ZNF251: variants seen among roughly 807,000 people sequenced by gnomAD.
The protein encoded by ZNF251 is zinc finger protein 251.
In ZNF251, 14 loss-of-function variants were observed where a neutral mutation model predicts 13.5. The ratio of observed to expected loss-of-function variants is 1.04; its 90% CI spans 0.69 to 1.63. The LOEUF is 1.63. Ranked by LOEUF, ZNF251 falls within the 40% of genes most tolerant of loss-of-function variation. The pLI is 0.00. For missense variants in ZNF251, 764 were observed against 834.9 expected, an observed-to-expected ratio of 0.92 and a Z score of 1.05; for synonymous variants, 287 against 295.2, an observed-to-expected ratio of 0.97 and a Z score of 0.28.
intron 2 of ZNF251, 22 bp from the exon 3 acceptor site, chr8:144,754,343 G>A (rs1172223053): frequency 6.3e-7 from 1 of 1,582,100 alleles, no homozygotes; most frequent in African/African-American, 1.3e-5. Context: ...CATCGCCGCT[G>A]CCCAGGCCAT....
chr8:144,731,095 G>T (rs912500816), intron 4 of ZNF251, among the ~76,000 whole-genome samples: 8 of 152,306 alleles, frequency 5.3e-5, no homozygotes, highest in Admixed American at 5.2e-4. Flanking sequence ...GAAGCCCCAT[G>T]ATGTTAGGGT....
chr8:144,725,518 C>G (rs1823495178), intron 4 of ZNF251, among the ~76,000 whole-genome samples: 1 of 152,024 alleles, frequency 6.6e-6, no homozygotes, highest in Non-Finnish European at 1.5e-5. Flanking sequence ...TCTCCAACTC[C>G]TGACCTCAAG....
At chr8:144,748,595 C>G (rs1352243327) in intron 4 of ZNF251, among the ~76,000 whole-genome samples, 1 of 151,946 alleles carries the variant, frequency 6.6e-6, no homozygotes, top group Non-Finnish European at 1.5e-5. Flanking sequence ...GGGTCTTGCT[C>G]TGTTGCCCAG....
intron 4 of ZNF251, among the ~76,000 whole-genome samples, chr8:144,737,615 A>G (rs539179805): frequency 6.6e-4 from 101 of 152,058 alleles, no homozygotes; most frequent in East Asian, 1.4e-3. Flanking sequence ...GGTGGATCAC[A>G]AGGTCAGGAG....
chr8:144,754,404 C>T, intron 2 of ZNF251, 83 bp from the exon 3 acceptor site: 1 of 1,479,722 alleles, frequency 6.8e-7, no homozygotes. Context: ...GGTGGGGCCC[C>T]ACTACCCAGG....
chr8:144,749,972 TGAG>T (rs1824618138), intron 4 of ZNF251, among the ~76,000 whole-genome samples: 1 of 151,678 alleles, frequency 6.6e-6, no homozygotes. Context: ...TGCTACACTA[TGAG>T]GAGTTGCAAA....
chr8:144,729,812 G>A (rs1823639897), intron 4 of ZNF251, among the ~76,000 whole-genome samples: 1 of 152,130 alleles, frequency 6.6e-6, no homozygotes. Flanking sequence ...AGTGAGCTGA[G>A]ACCGCACCTC....
chr8:144,736,459 A>T lies in ZNF251; in HGVS notation c.278-13077T>A, dbSNP rs781580699. ...TCGGGAGTTCACCTTCCTTTATTTT[A>T]TTTATTTATTTATTTATTTATTTAT... On this transcript the variant is annotated intron_variant, in intron 4 of 4. Coordinates refer to ENST00000292562, the MANE Select transcript of ZNF251 (RefSeq NM_138367.2). 9.9e-3 allele frequency among the ~76,000 whole-genome samples: 626 copies of T among 63,530 alleles called. 6 individuals are homozygous for T. Among genetic ancestry groups the T allele is most frequent in the South Asian group, 0.026 (60 of 2,306 alleles). The allele number at this position is 63,530 out of a possible 152,430, so 41.7% of individuals were successfully genotyped here.
intron 4 of ZNF251, among the ~76,000 whole-genome samples, chr8:144,736,452 T>C (rs1823894504): frequency 6.8e-6 from 1 of 147,228 alleles, no homozygotes; most frequent in African/African-American, 2.5e-5. Context: ...TCACCTTCCT[T>C]TATTTTATTT....
At chr8:144,737,927 G>A (rs555122927) in intron 4 of ZNF251, among the ~76,000 whole-genome samples, 5 of 150,810 alleles carry the variant, frequency 3.3e-5, no homozygotes, top group African/African-American at 1.2e-4. Context: ...CTTGGGCACT[G>A]TCTGGTCAGG....
chr8:144,755,182 C>A, intron 1 of ZNF251: 1 of 1,172,402 alleles, frequency 8.5e-7, no homozygotes, highest in Non-Finnish European at 1.1e-6. Flanking sequence ...CTGCCGAAGG[C>A]CCCAGGCTCC....
intron 4 of ZNF251, among the ~76,000 whole-genome samples, chr8:144,748,702 T>C (rs1213626940): frequency 1.3e-5 from 2 of 152,070 alleles, no homozygotes; most frequent in Non-Finnish European, 2.9e-5. Flanking sequence ...CTGAGACTTA[T>C]AGGTACACAA....
chr8:144,755,067 T>A, intron 1 of ZNF251: 1 of 1,310,006 alleles, frequency 7.6e-7, no homozygotes, highest in Non-Finnish European at 9.7e-7. Flanking sequence ...GCCCTGGAAA[T>A]GGGGTGCAGG....
intron 4 of ZNF251, among the ~76,000 whole-genome samples, chr8:144,744,424 A>G (rs1824319873): frequency 6.6e-6 from 1 of 152,168 alleles, no homozygotes; most frequent in African/African-American, 2.4e-5. Context: ...ATTATCATCT[A>G]GAAGTTTCAC....
At chr8:144,741,879 T>C (rs1161289419) in intron 4 of ZNF251, among the ~76,000 whole-genome samples, 2 of 152,190 alleles carry the variant, frequency 1.3e-5, no homozygotes, top group African/African-American at 2.4e-5. Context: ...TGGTCACTTA[T>C]AATTGGTATC....
chr8:144,739,072 G>A (rs1182858847), intron 4 of ZNF251, among the ~76,000 whole-genome samples: 3 of 151,608 alleles, frequency 2.0e-5, no homozygotes, highest in South Asian at 2.1e-4. Flanking sequence ...GGATGACATC[G>A]CTCCAACTTC....
chr8:144,725,178 T>C (rs1823482837), intron 4 of ZNF251, among the ~76,000 whole-genome samples: 1 of 152,192 alleles, frequency 6.6e-6, no homozygotes, highest in Non-Finnish European at 1.5e-5. Flanking sequence ...TATGCTCGGC[T>C]AATTTTTTGT....
At position 144,754,329 on chromosome 8, in the gene ZNF251, A is replaced by G. The variant is rs772591310; in HGVS notation, c.34-8T>C. On this transcript the variant is annotated splice_polypyrimidine_tract_variant and splice_region_variant and intron_variant, in intron 2 of 4. Transcript: ENST00000292562. ...GAAGGTCAGCGGCATCTCCTGCAAC[A>G]AAACATCGCCGCTGCCCAGGCCATG... 7 of 1,599,400 alleles carry G rather than the reference A, an allele frequency of 4.4e-6. No individual in the cohort carries two copies. Among genetic ancestry groups the G allele is most frequent in the Non-Finnish European group, 4.3e-6 (5 of 1,173,088 alleles).
chr8:144,731,302 TC>T (rs1234604852), intron 4 of ZNF251, among the ~76,000 whole-genome samples: 1 of 152,208 alleles, frequency 6.6e-6, no homozygotes, highest in Non-Finnish European at 1.5e-5. Flanking sequence ...ATGCAGTTCT[TC>T]GTCTTCCTCC....
Sources: gnomAD v4.1 joint callset for allele counts (sites outside exome capture counted in the v4.1 genomes callset) on GRCh38, gnomAD v4.1.1 for gene constraint, MANE v1.5 for transcripts, NCBI Gene and HGNC (gene_info 2026-07-23, HGNC 2026-07-21) for gene names.